ZMAT3: variants seen among roughly 807,000 people sequenced by gnomAD.
The protein encoded by ZMAT3 is zinc finger matrin-type protein 3.
Under a neutral mutation model 32.3 loss-of-function variants are expected in ZMAT3, and 17 were observed. That is an observed-to-expected ratio of 0.53 (90% CI 0.36 to 0.79). ZMAT3 has a LOEUF of 0.79. ZMAT3 is among the 30% of genes least tolerant of loss of function. The pLI, the probability that ZMAT3 is intolerant of heterozygous loss-of-function variation, is 0.00. For missense variants in ZMAT3, 329 were observed against 359.7 expected (o/e 0.91, Z 0.69); for synonymous variants, 120 against 133.1 (o/e 0.90, Z 0.68).
At position 179,024,891 on chromosome 3, in the gene ZMAT3, T is replaced by A; in HGVS notation, c.*126A>T. The A allele has an allele frequency of 1.7e-4, 125 of 726,164 alleles. No individual in the cohort carries two copies. The highest frequency in any genetic ancestry group is 1.3e-3 in the Middle Eastern group (3 of 2,278). 45.0% of individuals were successfully genotyped at this position (726,164 alleles called of 1,614,324 possible). On this transcript the variant is annotated 3_prime_UTR_variant, in exon 6 of 6. Transcript: ENST00000311417. ...AGGTTTTGACATCTCATGGTACCAC[T>A]GTGGGTTACATGTATTAACATTAAG...
rs774914659 is a variant in ZMAT3 at position 179,067,601 on chromosome 3, T to C, written c.152A>G (p.Glu51Gly). 1.9e-5 allele frequency: 31 copies of C among 1,614,076 alleles called. No individual in the cohort carries two copies. The highest frequency in any genetic ancestry group is 2.4e-5 in the Non-Finnish European group (28 of 1,180,036). ...TTGCTCCCCTCCCTTCGATAACTCT[T>C]CTTCCCCTGCAAGAGGCAAGGAAGC... ...QEASLPLAGE[E>G]ELSKGGEQDC... The change falls in exon 2 of 6, where the codon GAA becomes GGA. Residue 51 changes from glutamate to glycine, a missense_variant. Glu to Gly is a moderately conservative substitution (Grantham distance 98). Transcript: ENST00000311417.
chr3:179,050,407 G>A (rs1018972413), intron 2 of ZMAT3, among the ~76,000 whole-genome samples: 3 of 151,860 alleles, frequency 2.0e-5, no homozygotes, highest in South Asian at 2.1e-4. Flanking sequence ...AACCCTCCTA[G>A]ATTAAACCAA....
intron 2 of ZMAT3, among the ~76,000 whole-genome samples, chr3:179,063,511 T>C (rs1178466424): frequency 2.0e-5 from 3 of 152,254 alleles, no homozygotes; most frequent in African/African-American, 7.2e-5. Flanking sequence ...ATTTTATAAA[T>C]GTACTTTGAG....
At chr3:179,038,298 G>C (rs1021744177) in intron 2 of ZMAT3, among the ~76,000 whole-genome samples, 1 of 152,184 alleles carries the variant, frequency 6.6e-6, no homozygotes, top group African/African-American at 2.4e-5. Context: ...CATGGAACTA[G>C]GGCCAGGCAC....
chr3:179,026,433 C>G (rs1455514663), intron 5 of ZMAT3, among the ~76,000 whole-genome samples: 1 of 120,828 alleles, frequency 8.3e-6, no homozygotes, highest in East Asian at 2.7e-4. Context: ...GTCACCCAGA[C>G]TGGAATGCAG....
At chr3:179,072,364 T>C (rs1721767269), upstream of ZMAT3, 1 of 147,996 alleles carries the variant, frequency 6.8e-6, no homozygotes, top group African/African-American at 2.5e-5. Context: ...TTCCCTCCCC[T>C]ACACGAAAGT....
chr3:179,044,831 G>T (rs1399213007), intron 2 of ZMAT3, among the ~76,000 whole-genome samples: 1 of 151,774 alleles, frequency 6.6e-6, no homozygotes, highest in Non-Finnish European at 1.5e-5. Context: ...ATTGAACAAG[G>T]ATATCACTTG....
intron 2 of ZMAT3, among the ~76,000 whole-genome samples, chr3:179,047,246 G>A (rs1033033638): frequency 1.3e-5 from 2 of 152,142 alleles, no homozygotes; most frequent in East Asian, 1.9e-4. Flanking sequence ...GCTAGATCCA[G>A]AAGAAAAATA....
intron 2 of ZMAT3, among the ~76,000 whole-genome samples, chr3:179,035,629 G>A (rs970776391): frequency 3.3e-5 from 5 of 150,866 alleles, no homozygotes; most frequent in African/African-American, 7.3e-5. Flanking sequence ...TCTTTCCTCC[G>A]CTCTGTAATG....
chr3:179,032,782 G>A (rs1366625936), intron 2 of ZMAT3, among the ~76,000 whole-genome samples: 3 of 152,026 alleles, frequency 2.0e-5, no homozygotes, highest in Admixed American at 2.0e-4. Context: ...CCCCGTCTGG[G>A]AAGTGAGGAG....
At chr3:179,055,481 C>T (rs201305876) in intron 2 of ZMAT3, among the ~76,000 whole-genome samples, 7 of 150,500 alleles carry the variant, frequency 4.7e-5, no homozygotes, top group South Asian at 2.1e-4. Flanking sequence ...AGCGTCCCCT[C>T]CCCGACTCCT....
chr3:179,028,770 C>T (rs1385390334), intron 3 of ZMAT3, among the ~76,000 whole-genome samples: 1 of 152,196 alleles, frequency 6.6e-6, no homozygotes, highest in Non-Finnish European at 1.5e-5. Flanking sequence ...GAAGGAAGAA[C>T]AGCCAGAATT....
At chr3:179,037,046 GGCC>G in intron 2 of ZMAT3, among the ~76,000 whole-genome samples, 1 of 151,952 alleles carries the variant, frequency 6.6e-6, no homozygotes, top group East Asian at 1.9e-4. Flanking sequence ...ATCACTCTTG[GGCC>G]CCCTCTCTGC....
chr3:179,040,979 C>T (rs901753094), intron 2 of ZMAT3, among the ~76,000 whole-genome samples: 2 of 150,988 alleles, frequency 1.3e-5, no homozygotes, highest in Non-Finnish European at 2.9e-5. Flanking sequence ...TCAAAAGAGA[C>T]AAAGAAGGGC....
chr3:179,033,349 G>A (rs988208324), intron 2 of ZMAT3, among the ~76,000 whole-genome samples: 1 of 151,824 alleles, frequency 6.6e-6, no homozygotes, highest in Non-Finnish European at 1.5e-5. Flanking sequence ...CAAACACTGC[G>A]GAAGGCGGAA....
chr3:179,056,893 A>G (rs1055606714), intron 2 of ZMAT3, among the ~76,000 whole-genome samples: 2 of 152,176 alleles, frequency 1.3e-5, no homozygotes, highest in Admixed American at 6.5e-5. Flanking sequence ...AGGGAGAGAC[A>G]TTCTAGCAAA....
chr3:179,042,658 T>C (rs1378549342), intron 2 of ZMAT3, among the ~76,000 whole-genome samples: 2 of 152,134 alleles, frequency 1.3e-5, no homozygotes, highest in African/African-American at 4.8e-5. Context: ...CTTTGAAAAC[T>C]GGCACAAGAC....
At chr3:179,051,187 A>T (rs1442313679) in intron 2 of ZMAT3, among the ~76,000 whole-genome samples, 1 of 152,212 alleles carries the variant, frequency 6.6e-6, no homozygotes, top group Non-Finnish European at 1.5e-5. Context: ...AATAAAGAGG[A>T]AGTCAAACTG....
intron 1 of ZMAT3, among the ~76,000 whole-genome samples, chr3:179,070,153 A>C (rs1211627274): frequency 1.3e-5 from 2 of 152,200 alleles, no homozygotes; most frequent in African/African-American, 4.8e-5. Flanking sequence ...GGAAATCAGC[A>C]ATATAAACAG....
Sources: allele counts gnomAD v4.1 joint callset (sites outside exome capture counted in the v4.1 genomes callset), GRCh38; gene constraint gnomAD v4.1.1; transcripts MANE v1.5; gene names NCBI Gene and HGNC (gene_info 2026-07-23, HGNC 2026-07-21).